The following EFCAB8 variants were observed in gnomAD, a reference collection of about 807,000 sequenced individuals.
EFCAB8 encodes EF-hand calcium-binding domain-containing protein 8.
Under a neutral mutation model 116.3 loss-of-function variants are expected in EFCAB8, and 100 were observed. The ratio of observed to expected loss-of-function variants is 0.86; its 90% CI spans 0.73 to 1.02. The LOEUF (loss-of-function observed/expected upper bound fraction) is 1.02. Ranked by LOEUF, EFCAB8 falls within the 50% of genes least tolerant of loss-of-function variation. The pLI is 0.00. For synonymous variants in EFCAB8, 558 were observed against 567.9 expected (o/e 0.98, Z 0.25); for missense variants, 1,320 against 1,416.9 (o/e 0.93, Z 1.10).
At chr20:32,873,809 C>CA (rs369133956) in intron 3 of EFCAB8, among the ~76,000 whole-genome samples, 49,306 of 145,834 alleles carry the variant, frequency 0.34, 9,836 homozygotes, top group Middle Eastern at 0.47. Flanking sequence ...GAGACTCTGT[C>CA]CAAAAAAAAA....
intron 2 of EFCAB8, 104 bp from the exon 3 acceptor site, chr20:32,867,478 A>AC: frequency 7.9e-7 from 1 of 1,270,152 alleles, no homozygotes; most frequent in Admixed American, 2.6e-5. Context: ...AACACTACTT[A>AC]CCTTGTTCTT....
intron 4 of EFCAB8, among the ~76,000 whole-genome samples, chr20:32,878,444 G>A (rs957821774): frequency 6.6e-6 from 1 of 151,722 alleles, no homozygotes; most frequent in Non-Finnish European, 1.5e-5. Context: ...AGCCACCAGA[G>A]CCTATCGGAA....
chr20:32,863,387 G>A (rs930219071), intron 1 of EFCAB8, among the ~76,000 whole-genome samples: 4 of 152,220 alleles, frequency 2.6e-5, no homozygotes, highest in Admixed American at 2.0e-4. Flanking sequence ...GAAATGAGGA[G>A]CCCTCATTTT....
rs141451830 is a variant in EFCAB8 at position 32,874,174 on chromosome 20, G to C, written c.209-1752G>C. Among the ~76,000 whole-genome samples the C allele has an allele frequency of 7.8e-3, 1,194 of 152,198 alleles. 22 individuals carry two copies. Among genetic ancestry groups the C allele is most frequent in the Non-Finnish European group, 7.4e-3 (500 of 68,020 alleles). ...GGGCTCAAGCCTTCTGCCCACCTCA[G>C]CCTCCCAAAGTACTGGGATTATAGG... On this transcript the variant is annotated intron_variant, in intron 3 of 26. Transcript: ENST00000400522.
intron 23 of EFCAB8, among the ~76,000 whole-genome samples, chr20:32,956,664 CTTTGAAGGTAA>C (rs949258627): frequency 1.2e-4 from 19 of 152,118 alleles, no homozygotes; most frequent in African/African-American, 4.1e-4. Flanking sequence ...CAAGTTGCTT[CTTTGAAGGTAA>C]TTTGTCTTTT....
At chr20:32,905,614 G>A (rs13038811) in intron 11 of EFCAB8, among the ~76,000 whole-genome samples, 55,639 of 151,578 alleles carry the variant, frequency 0.37, 11,207 homozygotes, top group Middle Eastern at 0.5. Context: ...ACAAAAATTA[G>A]CCAGGCGTGG....
At chr20:32,909,987 C>A in intron 15 of EFCAB8, 56 bp downstream of exon 15, 2 of 908,242 alleles carry the variant, frequency 2.2e-6, no homozygotes, top group Non-Finnish European at 2.9e-6. Context: ...TGACACGGGG[C>A]AGAACCAGAC....
chr20:32,891,815 T>C (rs953364847), intron 7 of EFCAB8, among the ~76,000 whole-genome samples: 2 of 147,798 alleles, frequency 1.4e-5, no homozygotes, highest in African/African-American at 4.9e-5. Flanking sequence ...CTGGATCTGT[T>C]GGAAGGAGTC....
Position 32,921,624 on chromosome 20 carries a change from C to G in EFCAB8, c.2412+1409C>G, listed in dbSNP as rs1405275167. ...ATGAAAAAATAAAAATAAAAGTCCC[C>G]TATATCTCACTCACCCTATCCCATC... On this transcript the variant is annotated intron_variant, in intron 20 of 26. Coordinates refer to ENST00000400522, the MANE Select transcript of EFCAB8 (RefSeq NM_001143967.2). Among the ~76,000 whole-genome samples, 3 of 151,284 alleles carry G rather than the reference C, an allele frequency of 2.0e-5. No individual in the cohort carries two copies. The East Asian group carries it at 5.8e-4, about 29-fold the overall frequency.
intron 22 of EFCAB8, among the ~76,000 whole-genome samples, chr20:32,935,192 C>CTTTTTTTTTT (rs753039647): frequency 2.5e-3 from 84 of 34,042 alleles, no homozygotes; most frequent in Non-Finnish European, 3.0e-3. Flanking sequence ...TTCTTTCTTT[C>CTTTTTTTTTT]TTTTTTTTTT....
At chr20:32,901,261 G>C (rs992406198) in intron 11 of EFCAB8, among the ~76,000 whole-genome samples, 1 of 152,192 alleles carries the variant, frequency 6.6e-6, no homozygotes, top group Non-Finnish European at 1.5e-5. Context: ...GGGCCACATA[G>C]GAAGAAGAAG....
chr20:32,860,303 A>G (rs541935345), intron 1 of EFCAB8, among the ~76,000 whole-genome samples: 17 of 148,898 alleles, frequency 1.1e-4, no homozygotes, highest in Non-Finnish European at 2.1e-4. Context: ...GAGACTCTCA[A>G]AAATAAAAGC....
Position 32,860,493 on chromosome 20 carries a change from C to CTTTTTTTTTT in EFCAB8, c.-11+1509_-11+1518dup, listed in dbSNP as rs71190881. On this transcript the variant is annotated intron_variant, in intron 1 of 26. Coordinates refer to ENST00000400522, the MANE Select transcript of EFCAB8 (RefSeq NM_001143967.2). ...TTTGTTCCATCGCTGATGGTGGTAACTTTTTTTTTTTTTTTTTTTTTTTTT... is the reference window on the plus strand; with the variant it reads ...TTTGTTCCATCGCTGATGGTGGTAACTTTTTTTTTTTTTTTTTTTTTTTTTTTTTTTTTTT... 4.5e-4 allele frequency among the ~76,000 whole-genome samples: 38 copies of CTTTTTTTTTT among 83,988 alleles called. 2 individuals are homozygous for CTTTTTTTTTT. The highest frequency in any genetic ancestry group is 2.3e-3 in the African/African-American group (29 of 12,796). 55.1% of individuals were successfully genotyped at this position (83,988 alleles called of 152,430 possible).
chr20:32,910,206 T>C (rs1986857813), intron 15 of EFCAB8, among the ~76,000 whole-genome samples: 2 of 152,200 alleles, frequency 1.3e-5, no homozygotes, highest in Non-Finnish European at 2.9e-5. Context: ...TTGGGTCAGC[T>C]CTGGACTGGG....
At chr20:32,959,165 T>A (rs1297631589) in intron 24 of EFCAB8, among the ~76,000 whole-genome samples, 1 of 152,244 alleles carries the variant, frequency 6.6e-6, no homozygotes, top group Non-Finnish European at 1.5e-5. Context: ...GACACAGTCC[T>A]GCCTCAGAGA....
At chr20:32,877,380 T>C (rs976589814) in intron 4 of EFCAB8, among the ~76,000 whole-genome samples, 3 of 151,946 alleles carry the variant, frequency 2.0e-5, no homozygotes, top group African/African-American at 7.2e-5. Flanking sequence ...GGCTAATTTT[T>C]GTATTTTTAG....
chr20:32,961,537 C>T lies in EFCAB8; in HGVS notation c.3795C>T (p.Phe1265=), dbSNP rs1486624705. The T allele has an allele frequency of 4.8e-5, 68 of 1,411,518 alleles. No individual in the cohort carries two copies. Among genetic ancestry groups the T allele is most frequent in the South Asian group, 1.1e-4 (6 of 55,836 alleles). 87.4% of individuals were successfully genotyped at this position (1,411,518 alleles called of 1,614,324 possible). A position where few individuals can be genotyped will look rare whatever the true frequency, so the allele number is the denominator to read the frequency against. ...CCCCCAAGCACATTGTCTCCTCCTTCGAGCGGCCCCCAAGGCCTCTGAAGG... is the reference window on the plus strand; with the variant it reads ...CCCCCAAGCACATTGTCTCCTCCTTTGAGCGGCCCCCAAGGCCTCTGAAGG... ...SVTPKHIVSS[F]ERPPRPLKAT... The change falls in exon 27 of 27, where the codon TTC becomes TTT. Residue 1265 remains phenylalanine (F), a synonymous_variant. Transcript: ENST00000400522.
intron 17 of EFCAB8, among the ~76,000 whole-genome samples, chr20:32,914,910 T>C (rs949669858): frequency 2.6e-5 from 4 of 152,050 alleles, no homozygotes; most frequent in Non-Finnish European, 5.9e-5. Flanking sequence ...ATTTTTTTTT[T>C]CTTTAAGACA....
chr20:32,950,632 A>G (rs1210458483), intron 23 of EFCAB8, among the ~76,000 whole-genome samples: 2 of 152,110 alleles, frequency 1.3e-5, no homozygotes, highest in Non-Finnish European at 2.9e-5. Context: ...GTCTGTTCCC[A>G]TACATCTTTC....
Sources: allele counts gnomAD v4.1 joint callset (sites outside exome capture counted in the v4.1 genomes callset), GRCh38; gene constraint gnomAD v4.1.1; transcripts MANE v1.5; gene names NCBI Gene and HGNC (gene_info 2026-07-23, HGNC 2026-07-21).